The following MARCHF3 variants were observed in gnomAD, a reference collection of about 807,000 sequenced individuals.
MARCHF3 encodes the protein E3 ubiquitin-protein ligase MARCHF3.
Under a neutral mutation model 24.2 loss-of-function variants are expected in MARCHF3, and 13 were observed. The ratio of observed to expected loss-of-function variants is 0.54; its 90% CI spans 0.35 to 0.85. The LOEUF (loss-of-function observed/expected upper bound fraction) is 0.85, where lower values mean the gene tolerates loss of function less well. Ranked by LOEUF, MARCHF3 falls within the 40% of genes least tolerant of loss-of-function variation. MARCHF3 has a pLI of 0.01. For synonymous variants in MARCHF3, 144 were observed against 137.3 expected (o/e 1.05, Z -0.34); for missense variants, 276 against 325.0 (o/e 0.85, Z 1.16).
chr5:126,909,357 G>T (rs978194037), intron 3 of MARCHF3, among the ~76,000 whole-genome samples: 20 of 152,242 alleles, frequency 1.3e-4, no homozygotes, highest in African/African-American at 4.3e-4. Context: ...CCCAGTTCAA[G>T]CTTCCCGGCT....
At chr5:126,945,788 C>T (rs566677327) in intron 1 of MARCHF3, among the ~76,000 whole-genome samples, 3 of 152,138 alleles carry the variant, frequency 2.0e-5, no homozygotes, top group Middle Eastern at 3.2e-3. Context: ...CTCAGCTGAA[C>T]CTCATCTGTA....
intron 2 of MARCHF3, among the ~76,000 whole-genome samples, chr5:126,916,786 T>G (rs1250476166): frequency 6.6e-6 from 1 of 151,096 alleles, no homozygotes; most frequent in Admixed American, 6.6e-5. Flanking sequence ...CCTGGTCAAG[T>G]GAGCTGTTTG....
chr5:127,022,972 T>C (rs1174123104), intron 1 of MARCHF3, among the ~76,000 whole-genome samples: 2 of 152,222 alleles, frequency 1.3e-5, no homozygotes, highest in Non-Finnish European at 1.5e-5. Context: ...GCTATCCTAA[T>C]GGCCTCTTCA....
At chr5:127,009,656 T>G (rs753845413) in intron 1 of MARCHF3, among the ~76,000 whole-genome samples, 8 of 152,146 alleles carry the variant, frequency 5.3e-5, no homozygotes, top group Non-Finnish European at 7.4e-5. Context: ...TATTTTACCA[T>G]GAAACTAGAT....
At chr5:127,006,406 G>T (rs1752314721) in intron 1 of MARCHF3, among the ~76,000 whole-genome samples, 2 of 151,884 alleles carry the variant, frequency 1.3e-5, no homozygotes, top group Non-Finnish European at 1.5e-5. Context: ...GAGTTTTAAG[G>T]GCTGTCATTG....
intron 1 of MARCHF3, among the ~76,000 whole-genome samples, chr5:126,979,010 A>G (rs1221427675): frequency 6.6e-6 from 1 of 152,222 alleles, no homozygotes; most frequent in Non-Finnish European, 1.5e-5. Context: ...CCTATTATTG[A>G]AAACTTTTGT....
intron 1 of MARCHF3, among the ~76,000 whole-genome samples, chr5:126,941,042 G>A (rs994177473): frequency 2.0e-4 from 30 of 152,232 alleles, no homozygotes; most frequent in African/African-American, 7.2e-4. Flanking sequence ...ATTAATGAAT[G>A]TGACATGGAT....
intron 1 of MARCHF3, among the ~76,000 whole-genome samples, chr5:126,978,605 G>T (rs1278573340): frequency 6.6e-6 from 1 of 152,182 alleles, no homozygotes; most frequent in Non-Finnish European, 1.5e-5. Context: ...GTTGTTACAG[G>T]CATATCAGCA....
At chr5:126,906,476 T>A (rs548687705) in intron 3 of MARCHF3, among the ~76,000 whole-genome samples, 2 of 152,232 alleles carry the variant, frequency 1.3e-5, no homozygotes, top group Non-Finnish European at 2.9e-5. Flanking sequence ...AAGCTATTGA[T>A]TATTGCCACA....
intron 1 of MARCHF3, among the ~76,000 whole-genome samples, chr5:127,007,212 C>A (rs1398752941): frequency 6.6e-6 from 1 of 151,882 alleles, no homozygotes; most frequent in Non-Finnish European, 1.5e-5. Flanking sequence ...TCTATAATTC[C>A]TTCCACAGCA....
At chr5:127,024,202 T>C (rs1580502378) in intron 1 of MARCHF3, among the ~76,000 whole-genome samples, 1 of 152,180 alleles carries the variant, frequency 6.6e-6, no homozygotes, top group South Asian at 2.1e-4. Context: ...GATGATATAA[T>C]AATTCTATGA....
intron 3 of MARCHF3, among the ~76,000 whole-genome samples, chr5:126,908,867 C>T (rs565934105): frequency 1.3e-5 from 2 of 152,158 alleles, no homozygotes; most frequent in African/African-American, 2.4e-5. Flanking sequence ...CTGGTGAGGA[C>T]CTGCGTTCCT....
chr5:126,874,375 G>A (rs1349064670), intron 4 of MARCHF3, among the ~76,000 whole-genome samples: 1 of 152,138 alleles, frequency 6.6e-6, no homozygotes, highest in Non-Finnish European at 1.5e-5. Flanking sequence ...ATCACCTGAG[G>A]TTGGGAGTTT....
intron 3 of MARCHF3, among the ~76,000 whole-genome samples, chr5:126,894,849 G>A (rs1346685495): frequency 6.6e-6 from 1 of 151,584 alleles, no homozygotes; most frequent in Non-Finnish European, 1.5e-5. Context: ...GAATCTGAAC[G>A]TTGGCCTGCC....
At chr5:126,947,673 A>G (rs974840578) in intron 1 of MARCHF3, among the ~76,000 whole-genome samples, 3 of 152,262 alleles carry the variant, frequency 2.0e-5, no homozygotes, top group Admixed American at 2.0e-4. Context: ...CTTCCTCTCA[A>G]TTTTGCTGTG....
At chr5:126,889,370 T>C (rs1038198861) in intron 3 of MARCHF3, among the ~76,000 whole-genome samples, 3 of 151,996 alleles carry the variant, frequency 2.0e-5, no homozygotes, top group Non-Finnish European at 4.4e-5. Context: ...ATAGGGATGT[T>C]TGAAGGAATA....
intron 1 of MARCHF3, among the ~76,000 whole-genome samples, chr5:126,954,425 C>A (rs2126817967): frequency 6.6e-6 from 1 of 150,974 alleles, no homozygotes; most frequent in East Asian, 2.0e-4. Flanking sequence ...GACTGGAGTG[C>A]AGCGGCATGG....
chr5:126,881,205 T>TG (rs1004242880), intron 3 of MARCHF3, among the ~76,000 whole-genome samples: 34 of 152,266 alleles, frequency 2.2e-4, no homozygotes, highest in South Asian at 4.1e-4. Context: ...ACTCTAGTTT[T>TG]GGGGGGTTCG....
intron 1 of MARCHF3, among the ~76,000 whole-genome samples, chr5:126,965,279 G>A (rs1239615873): frequency 2.0e-5 from 3 of 152,276 alleles, no homozygotes; most frequent in African/African-American, 7.2e-5. Flanking sequence ...TGGGCCCATG[G>A]AAAGAAGCCA....
Sources: gnomAD v4.1 joint callset for allele counts (sites outside exome capture counted in the v4.1 genomes callset) on GRCh38, gnomAD v4.1.1 for gene constraint, MANE v1.5 for transcripts, NCBI Gene and HGNC (gene_info 2026-07-23, HGNC 2026-07-21) for gene names.